Variants in RGL1 observed in about 807,000 individuals in gnomAD.
The protein encoded by RGL1 is ral guanine nucleotide dissociation stimulator-like 1.
In RGL1, 24 loss-of-function variants were observed where a neutral mutation model predicts 95.2. The ratio of observed to expected loss-of-function variants is 0.25; its 90% CI spans 0.18 to 0.35. RGL1 has a LOEUF of 0.35. Among genes scored for constraint, RGL1 ranks in the 10% least tolerant of loss-of-function variants. The pLI, the probability that RGL1 is intolerant of heterozygous loss-of-function variation, is 1.00. For missense variants in RGL1, 715 were observed against 936.3 expected, an observed-to-expected ratio of 0.76 and a Z score of 3.08; for synonymous variants, 329 against 344.9, an observed-to-expected ratio of 0.95 and a Z score of 0.51.
At chr1:183,923,270 C>T (rs1425203842) in intron 17 of RGL1, among the ~76,000 whole-genome samples, 1 of 152,134 alleles carries the variant, frequency 6.6e-6, no homozygotes, top group Non-Finnish European at 1.5e-5. Flanking sequence ...ACCCAGGGCT[C>T]TATTGCTGGT....
At chr1:183,780,759 A>G (rs1308578172) in intron 2 of RGL1, among the ~76,000 whole-genome samples, 1 of 152,196 alleles carries the variant, frequency 6.6e-6, no homozygotes, top group Non-Finnish European at 1.5e-5. Flanking sequence ...ACCTCTTCAT[A>G]CTGTCTGGAT....
intron 1 of RGL1, 36 bp downstream of exon 1, chr1:183,805,360 C>G (rs1329998717): frequency 1.3e-6 from 2 of 1,574,886 alleles, no homozygotes; most frequent in African/African-American, 1.3e-5. Context: ...CGAGGCTTCT[C>G]TGGTGGGGAA....
chr1:183,753,910 T>C (rs1458492281), intron 2 of RGL1, among the ~76,000 whole-genome samples: 1 of 152,088 alleles, frequency 6.6e-6, no homozygotes, highest in Non-Finnish European at 1.5e-5. Flanking sequence ...TTGAACATGG[T>C]GTTTTGTTTC....
intron 2 of RGL1, among the ~76,000 whole-genome samples, chr1:183,762,342 A>T (rs1478786253): frequency 1.3e-5 from 2 of 152,160 alleles, no homozygotes; most frequent in Non-Finnish European, 2.9e-5. Context: ...AATTGGCCTG[A>T]TTTCAATATT....
rs1209633428 is a variant in RGL1, at chr1:183,926,310, C to T, written c.*18C>T. On this transcript the variant is annotated 3_prime_UTR_variant, in exon 18 of 18. Transcript: ENST00000360851. ...CCCTCTGAAGGGAGGGACCAGTGGCCCCTTGTTTGCCAAAGGCAGAGTGGG... is the reference window on the plus strand; with the variant it reads ...CCCTCTGAAGGGAGGGACCAGTGGCTCCTTGTTTGCCAAAGGCAGAGTGGG... 6.3e-7 allele frequency: 1 copy of T among 1,587,328 alleles called. No individual in the cohort carries two copies. The highest frequency in any genetic ancestry group is 2.3e-5 in the East Asian group (1 of 44,222).
chr1:183,914,090 C>G (rs142591206), intron 15 of RGL1, among the ~76,000 whole-genome samples: 1 of 152,260 alleles, frequency 6.6e-6, no homozygotes, highest in African/African-American at 2.4e-5. Context: ...TTTATAGGCT[C>G]CATTTCTGAT....
At chr1:183,643,262 T>TTTTTTTTA (rs1553265194) in intron 1 of RGL1, among the ~76,000 whole-genome samples, 14 of 136,432 alleles carry the variant, frequency 1.0e-4, no homozygotes, top group East Asian at 6.6e-4. Context: ...GGTCCTGTTT[T>TTTTTTTTA]TTTATTTATT....
intron 14 of RGL1, among the ~76,000 whole-genome samples, chr1:183,910,767 T>G (rs1332930256): frequency 6.6e-6 from 1 of 152,264 alleles, no homozygotes; most frequent in Non-Finnish European, 1.5e-5. Context: ...ACCACCTTTT[T>G]CACTTAGAGG....
chr1:183,704,491 C>A (rs1041422924), intron 1 of RGL1, among the ~76,000 whole-genome samples: 3 of 152,108 alleles, frequency 2.0e-5, no homozygotes, highest in Non-Finnish European at 2.9e-5. Flanking sequence ...TATAAAATAG[C>A]CAGCATGTTG....
intron 2 of RGL1, among the ~76,000 whole-genome samples, chr1:183,786,473 G>T (rs1255389904): frequency 1.3e-5 from 2 of 152,012 alleles, no homozygotes; most frequent in Non-Finnish European, 2.9e-5. Flanking sequence ...AAAATATTTT[G>T]GAATATTTGC....
chr1:183,803,042 C>T (rs2102406012), upstream of RGL1, among the ~76,000 whole-genome samples: 1 of 152,306 alleles, frequency 6.6e-6, no homozygotes, highest in South Asian at 2.1e-4. Context: ...TTGTAAACTG[C>T]AACACACAAT....
At chr1:183,746,241 T>C (rs1657615681) in intron 2 of RGL1, among the ~76,000 whole-genome samples, 1 of 152,196 alleles carries the variant, frequency 6.6e-6, no homozygotes, top group African/African-American at 2.4e-5. Flanking sequence ...TTCCTGAAAG[T>C]TGTGTTTAAT....
intron 3 of RGL1, among the ~76,000 whole-genome samples, chr1:183,851,770 A>G (rs1416784099): frequency 2.0e-5 from 3 of 152,216 alleles, no homozygotes. Flanking sequence ...TTCATTTCCT[A>G]CTCACACTTA....
At chr1:183,648,338 G>C (rs986269257) in intron 1 of RGL1, 44 of 1,614,094 alleles carry the variant, frequency 2.7e-5, no homozygotes, top group Non-Finnish European at 3.7e-5. Context: ...TACTAAGAGT[G>C]ATGCCTGGAT....
At chr1:183,832,920 C>T (rs924416903) in intron 2 of RGL1, among the ~76,000 whole-genome samples, 1 of 150,636 alleles carries the variant, frequency 6.6e-6, no homozygotes, top group African/African-American at 2.4e-5. Flanking sequence ...AGGGATATCA[C>T]AGGAGGTAAG....
intron 2 of RGL1, among the ~76,000 whole-genome samples, chr1:183,811,361 G>A (rs1043960714): frequency 6.6e-6 from 1 of 152,226 alleles, no homozygotes; most frequent in South Asian, 2.1e-4. Context: ...GTTGGAAAGT[G>A]CAGGAGTGGG....
At chr1:183,795,517 G>T (rs563738999) in intron 2 of RGL1, among the ~76,000 whole-genome samples, 1 of 152,298 alleles carries the variant, frequency 6.6e-6, no homozygotes, top group South Asian at 2.1e-4. Context: ...GTGAAGGGAG[G>T]GAGCCAGATA....
At chr1:183,806,998 G>A (rs1294831977) in intron 2 of RGL1, among the ~76,000 whole-genome samples, 1 of 152,154 alleles carries the variant, frequency 6.6e-6, no homozygotes, top group East Asian at 1.9e-4. Context: ...TATCTTGGGA[G>A]GAGGCAAATG....
intron 1 of RGL1, among the ~76,000 whole-genome samples, chr1:183,708,882 G>A (rs1299294868): frequency 6.6e-6 from 1 of 152,174 alleles, no homozygotes; most frequent in African/African-American, 2.4e-5. Flanking sequence ...GCGGACCGGG[G>A]CCCCTTCCAG....
Sources: allele counts gnomAD v4.1 joint callset (sites outside exome capture counted in the v4.1 genomes callset), GRCh38; gene constraint gnomAD v4.1.1; transcripts MANE v1.5; gene names NCBI Gene and HGNC (gene_info 2026-07-23, HGNC 2026-07-21).